LARGE1: variants seen among roughly 807,000 people sequenced by gnomAD.
The protein encoded by LARGE1 is xylosyl- and glucuronyltransferase LARGE1.
A neutral mutation model predicts 87.6 loss-of-function variants in LARGE1; 43 were observed. The observed-to-expected ratio is 0.49, with a 90% confidence interval of 0.38 to 0.63. LARGE1 has a LOEUF of 0.63. Ranked by LOEUF, LARGE1 falls within the 30% of genes least tolerant of loss-of-function variation. The pLI is 0.00. For synonymous variants in LARGE1, 434 were observed against 394.6 expected (o/e 1.10, Z -1.18); for missense variants, 802 against 1,000.2 (o/e 0.80, Z 2.67).
intron 10 of LARGE1, among the ~76,000 whole-genome samples, chr22:33,319,922 G>A (rs1031940142): frequency 1.3e-5 from 2 of 152,140 alleles, no homozygotes; most frequent in East Asian, 3.9e-4. Flanking sequence ...TGCAGCTTGG[G>A]AAACTGGCTG....
intron 6 of LARGE1, among the ~76,000 whole-genome samples, chr22:33,494,351 G>A (rs1013689081): frequency 7.9e-5 from 12 of 152,144 alleles, no homozygotes; most frequent in African/African-American, 2.9e-4. Context: ...CGTTTCCCTT[G>A]GTTAAATGCT....
chr22:33,450,806 A>ACTGTCCT lies in LARGE1; in HGVS notation c.788-18548_788-18542dup, dbSNP rs373828600. On this transcript the variant is annotated intron_variant, in intron 6 of 14. Coordinates refer to ENST00000397394, the MANE Select transcript of LARGE1 (RefSeq NM_133642.5). ...GCCAGAACCCTTGTTTCCTAACAAA[A>ACTGTCCT]CTGTCCTTATGAGCCACGCAGTATC... is the stretch of plus-strand genomic sequence containing the variant. 4.1e-3 allele frequency among the ~76,000 whole-genome samples: 619 copies of ACTGTCCT among 152,276 alleles called. 2 individuals carry two copies. The highest frequency in any genetic ancestry group is 0.027 in the Middle Eastern group (8 of 294).
chr22:33,576,670 C>CT (rs754071256), intron 5 of LARGE1, among the ~76,000 whole-genome samples: 10 of 152,270 alleles, frequency 6.6e-5, no homozygotes, highest in Non-Finnish European at 1.3e-4. Flanking sequence ...CATACCCTCT[C>CT]TATCTGTGGA....
intron 11 of LARGE1, among the ~76,000 whole-genome samples, chr22:33,213,677 A>G (rs534408943): frequency 6.6e-6 from 1 of 152,370 alleles, no homozygotes; most frequent in East Asian, 1.9e-4. Flanking sequence ...ATAAAAATTT[A>G]AAGTATATGT....
chr22:33,627,978 C>G (rs1305341404), intron 3 of LARGE1, among the ~76,000 whole-genome samples: 3 of 152,168 alleles, frequency 2.0e-5, no homozygotes, highest in Non-Finnish European at 4.4e-5. Flanking sequence ...CAGGGCTCAT[C>G]TGAACCATCA....
intron 11 of LARGE1, among the ~76,000 whole-genome samples, chr22:33,249,624 T>A (rs1336542393): frequency 6.6e-6 from 1 of 152,212 alleles, no homozygotes; most frequent in African/African-American, 2.4e-5. Context: ...ATACCCAAGA[T>A]CATCTAGGTT....
At chr22:33,755,816 G>A (rs1160286805) in intron 2 of LARGE1, among the ~76,000 whole-genome samples, 3 of 152,176 alleles carry the variant, frequency 2.0e-5, no homozygotes, top group Non-Finnish European at 2.9e-5. Flanking sequence ...TTAGACACTG[G>A]GAGTGTAACG....
intron 11 of LARGE1, among the ~76,000 whole-genome samples, chr22:33,313,838 C>T (rs948101212): frequency 9.9e-5 from 15 of 152,200 alleles, no homozygotes; most frequent in Non-Finnish European, 1.5e-5. Context: ...GGGCAGAGGG[C>T]CCTGCTAACA....
the LARGE1 span, among the ~76,000 whole-genome samples, chr22:33,075,246 G>A: frequency 1.3e-5 from 2 of 152,318 alleles, no homozygotes; most frequent in South Asian, 2.1e-4. Flanking sequence ...TTATGTGATA[G>A]AGTTGGAATC....
At chr22:33,581,091 A>C (rs1201088226) in intron 5 of LARGE1, among the ~76,000 whole-genome samples, 1 of 152,232 alleles carries the variant, frequency 6.6e-6, no homozygotes, top group East Asian at 1.9e-4. Flanking sequence ...TGCTTGAAAT[A>C]AGTTTGTGAA....
chr22:33,421,215 AATCAATC>A (rs202022832), intron 7 of LARGE1, among the ~76,000 whole-genome samples: 7,823 of 71,020 alleles, frequency 0.11, 220 homozygotes, highest in African/African-American at 0.2. Context: ...AAATAAAATC[AATCAATC>A]AATCAATCAA....
intron 12 of LARGE1, among the ~76,000 whole-genome samples, chr22:33,288,948 A>AATTATTATTATT (rs111962265): frequency 2.7e-5 from 4 of 150,862 alleles, no homozygotes; most frequent in African/African-American, 9.8e-5. Context: ...TGGATCAAGG[A>AATTATTATTATT]ATTATTATTA....
intron 1 of LARGE1, among the ~76,000 whole-genome samples, chr22:33,803,715 C>T (rs2086230590): frequency 6.6e-6 from 1 of 152,214 alleles, no homozygotes; most frequent in South Asian, 2.1e-4. Context: ...ACACTTAATT[C>T]CTCCAGCAAT....
chr22:33,408,456 G>C (rs2066182618), intron 7 of LARGE1, among the ~76,000 whole-genome samples: 2 of 152,222 alleles, frequency 1.3e-5, no homozygotes, highest in South Asian at 4.1e-4. Flanking sequence ...GCAAGGCTGT[G>C]TTTTTTGTAG....
intron 6 of LARGE1, among the ~76,000 whole-genome samples, chr22:33,522,469 C>G (rs1276401872): frequency 2.0e-5 from 3 of 151,814 alleles, no homozygotes; most frequent in African/African-American, 7.3e-5. Context: ...GAGGTGGAGG[C>G]GGGTGGATTG....
At chr22:33,348,258 C>T (rs941051769) in intron 9 of LARGE1, among the ~76,000 whole-genome samples, 10 of 145,546 alleles carry the variant, frequency 6.9e-5, no homozygotes, top group African/African-American at 2.5e-4. Context: ...CAGAGTGAGA[C>T]TCTGTCCCCG....
At chr22:33,327,877 C>T (rs16992150) in intron 10 of LARGE1, among the ~76,000 whole-genome samples, 7,110 of 152,222 alleles carry the variant, frequency 0.047, 287 homozygotes, top group African/African-American at 0.12. Flanking sequence ...TGGAGGGATG[C>T]TTCTGGCACA....
intron 10 of LARGE1, among the ~76,000 whole-genome samples, chr22:33,318,296 ACTTTT>A: frequency 6.6e-6 from 1 of 151,946 alleles, no homozygotes; most frequent in African/African-American, 2.4e-5. Flanking sequence ...ATAAAAACAA[ACTTTT>A]AAAAAATGAT....
intron 2 of LARGE1, among the ~76,000 whole-genome samples, chr22:33,693,431 G>A (rs1170875656): frequency 5.3e-5 from 8 of 151,890 alleles, no homozygotes; most frequent in African/African-American, 1.7e-4. Context: ...GAGGGAGGGA[G>A]TGAGGGAGGG....
Sources: allele counts gnomAD v4.1 joint callset (sites outside exome capture counted in the v4.1 genomes callset), GRCh38; gene constraint gnomAD v4.1.1; transcripts MANE v1.5; gene names NCBI Gene and HGNC (gene_info 2026-07-23, HGNC 2026-07-21).